PLCB4: variants seen among roughly 807,000 people sequenced by gnomAD.
The protein encoded by PLCB4 is phospholipase C beta 4.
In PLCB4, 77 loss-of-function variants were observed where a neutral mutation model predicts 178.8. That is an observed-to-expected ratio of 0.43 (90% CI 0.36 to 0.52). The LOEUF (loss-of-function observed/expected upper bound fraction) is 0.52, where lower values mean the gene tolerates loss of function less well. Ranked by LOEUF, PLCB4 falls within the 20% of genes least tolerant of loss-of-function variation. The pLI is 0.00. For missense variants in PLCB4, 1,024 were observed against 1,453.4 expected, an observed-to-expected ratio of 0.70 and a Z score of 4.80; for synonymous variants, 496 against 490.8, an observed-to-expected ratio of 1.01 and a Z score of -0.14.
intron 3 of PLCB4, among the ~76,000 whole-genome samples, chr20:9,219,964 G>A (rs950622249): frequency 2.6e-5 from 4 of 151,862 alleles, no homozygotes; most frequent in Non-Finnish European, 5.9e-5. Flanking sequence ...TTCTATAAAG[G>A]CAAAAGGTAT....
At chr20:9,282,163 AGGGC>A (rs1568518568) in intron 3 of PLCB4, among the ~76,000 whole-genome samples, 1 of 151,998 alleles carries the variant, frequency 6.6e-6, no homozygotes, top group Non-Finnish European at 1.5e-5. Flanking sequence ...TTGTTATCAC[AGGGC>A]ATGATGACCA....
intron 25 of PLCB4, among the ~76,000 whole-genome samples, chr20:9,412,698 T>C (rs4816131): frequency 0.15 from 22,308 of 152,052 alleles, 2,698 homozygotes; most frequent in African/African-American, 0.32. Flanking sequence ...ATCCTGTCAC[T>C]TTGGCCTGCC....
intron 4 of PLCB4, among the ~76,000 whole-genome samples, chr20:9,315,260 CAACTT>C (rs1249409557): frequency 6.6e-6 from 1 of 152,138 alleles, no homozygotes; most frequent in Non-Finnish European, 1.5e-5. Flanking sequence ...AGCTATATAG[CAACTT>C]AATGATGATA....
chr20:9,450,995 A>G (rs1300656937), intron 32 of PLCB4, among the ~76,000 whole-genome samples: 1 of 152,108 alleles, frequency 6.6e-6, no homozygotes, highest in Non-Finnish European at 1.5e-5. Flanking sequence ...GAAGATTTAT[A>G]TATGTTACAC....
intron 3 of PLCB4, among the ~76,000 whole-genome samples, chr20:9,242,605 A>G (rs1018701384): frequency 3.9e-5 from 6 of 152,190 alleles, no homozygotes; most frequent in Admixed American, 1.3e-4. Flanking sequence ...TGAATGTCCA[A>G]TGGACACAGA....
chr20:9,435,471 C>A, intron 28 of PLCB4, 89 bp from the exon 29 acceptor site: 1 of 771,340 alleles, frequency 1.3e-6, no homozygotes, highest in South Asian at 1.7e-5. Context: ...CAACAGGTAT[C>A]CAGGATTGTA....
intron 3 of PLCB4, among the ~76,000 whole-genome samples, chr20:9,247,799 C>T (rs2094140565): frequency 6.6e-6 from 1 of 152,138 alleles, no homozygotes; most frequent in Non-Finnish European, 1.5e-5. Context: ...ATCTGATTTC[C>T]ACTCTTGGGC....
At chr20:9,146,068 A>G (rs1399615172) in intron 2 of PLCB4, among the ~76,000 whole-genome samples, 1 of 152,132 alleles carries the variant, frequency 6.6e-6, no homozygotes, top group Non-Finnish European at 1.5e-5. Flanking sequence ...CCCATGATTC[A>G]AAATAATTCT....
chr20:9,375,937 C>T (rs2036629329), intron 12 of PLCB4, among the ~76,000 whole-genome samples: 1 of 152,144 alleles, frequency 6.6e-6, no homozygotes, highest in Admixed American at 6.5e-5. Context: ...TTCCTACCAC[C>T]TTCCAGCTGG....
At chr20:9,321,795 A>G (rs2094961211) in intron 4 of PLCB4, among the ~76,000 whole-genome samples, 1 of 151,432 alleles carries the variant, frequency 6.6e-6, no homozygotes. Flanking sequence ...CACCATGCCC[A>G]GCTAATTTTT....
At chr20:9,240,602 G>T (rs1249049749) in intron 3 of PLCB4, among the ~76,000 whole-genome samples, 1 of 152,104 alleles carries the variant, frequency 6.6e-6, no homozygotes, top group Non-Finnish European at 1.5e-5. Context: ...CCCTGCGCCA[G>T]CTCCAAGCCA....
At chr20:9,454,023 A>C (rs1280155959) in intron 33 of PLCB4, among the ~76,000 whole-genome samples, 1 of 152,208 alleles carries the variant, frequency 6.6e-6, no homozygotes, top group Non-Finnish European at 1.5e-5. Flanking sequence ...ATCACCTCCA[A>C]AATTAAATAG....
intron 8 of PLCB4, among the ~76,000 whole-genome samples, chr20:9,363,978 C>T (rs2035566922): frequency 6.6e-6 from 1 of 152,232 alleles, no homozygotes. Context: ...ATGGCAAATT[C>T]TTACACTTGT....
chr20:9,397,971 C>T (rs187199874), intron 19 of PLCB4, among the ~76,000 whole-genome samples: 66 of 152,226 alleles, frequency 4.3e-4, no homozygotes, highest in African/African-American at 1.4e-3. Flanking sequence ...TGGGTTATCC[C>T]GGACGGCTTA....
At chr20:9,447,983 A>G (rs986911068) in intron 32 of PLCB4, among the ~76,000 whole-genome samples, 8 of 152,218 alleles carry the variant, frequency 5.3e-5, no homozygotes, top group Middle Eastern at 3.2e-3. Flanking sequence ...AGGCTTTACA[A>G]AAATATGTAT....
chr20:9,118,834 G>A (rs1354469289), intron 2 of PLCB4, among the ~76,000 whole-genome samples: 2 of 152,268 alleles, frequency 1.3e-5, no homozygotes, highest in South Asian at 2.1e-4. Flanking sequence ...GAAAAGTGAG[G>A]CATTAGCACA....
chr20:9,072,012 C>T (rs572309382), intron 1 of PLCB4, among the ~76,000 whole-genome samples: 2 of 152,292 alleles, frequency 1.3e-5, no homozygotes, highest in South Asian at 4.2e-4. Context: ...CTTTAATGAT[C>T]ACAGTTGGTA....
At chr20:9,299,235 A>G (rs2094676152) in intron 3 of PLCB4, among the ~76,000 whole-genome samples, 1 of 152,024 alleles carries the variant, frequency 6.6e-6, no homozygotes, top group African/African-American at 2.4e-5. Context: ...CATAGACATT[A>G]TTTTAAGACT....
rs145365041 is a variant in PLCB4 at position 9,416,375 on chromosome 20, A to G, written c.2052-3432A>G. Among the ~76,000 whole-genome samples, 5 of 152,310 alleles carry G rather than the reference A, an allele frequency of 3.3e-5. 1 individual carries two copies. Among genetic ancestry groups the G allele is most frequent in the African/African-American group, 1.2e-4 (5 of 41,574 alleles). ...TTCCCAAGGAGATTCAGAACTGGAA[A>G]GGTGACTCCAGTCCTGTATTCATCC... On this transcript the variant is annotated intron_variant, in intron 25 of 39. Coordinates refer to ENST00000378473, the MANE Select transcript of PLCB4 (RefSeq NM_001377142.1).
Sources: allele counts gnomAD v4.1 joint callset (sites outside exome capture counted in the v4.1 genomes callset), GRCh38; gene constraint gnomAD v4.1.1; transcripts MANE v1.5; gene names NCBI Gene and HGNC (gene_info 2026-07-23, HGNC 2026-07-21).